Variants in SEL1L2 observed in about 807,000 individuals in gnomAD.
The protein encoded by SEL1L2 is protein sel-1 homolog 2.
A neutral mutation model predicts 98.8 loss-of-function variants in SEL1L2; 89 were observed. That is an observed-to-expected ratio of 0.90 (90% CI 0.76 to 1.07). The LOEUF (loss-of-function observed/expected upper bound fraction) is 1.07. Among genes scored for constraint, SEL1L2 ranks in the 50% least tolerant of loss-of-function variants. The probability of loss-of-function intolerance (pLI) is 0.00; values close to 1 mark genes in which losing one functional copy is unlikely to be tolerated. For missense variants in SEL1L2, 788 were observed against 812.0 expected, an observed-to-expected ratio of 0.97 and a Z score of 0.36; for synonymous variants, 262 against 278.5, an observed-to-expected ratio of 0.94 and a Z score of 0.59.
chr20:13,885,475 A>G (rs1031053186), intron 9 of SEL1L2, 72 bp from the exon 10 acceptor site: 1 of 1,000,232 alleles, frequency 1.0e-6, no homozygotes, highest in Non-Finnish European at 1.6e-6. Flanking sequence ...TTATGTGGTG[A>G]TTTTACTTTA....
In SEL1L2 at chr20:13,946,392, G is replaced by T. The variant is rs553943814; in HGVS notation, c.114+9684C>A. On this transcript the variant is annotated intron_variant, in intron 2 of 19. Coordinates refer to ENST00000284951, the MANE Select transcript of SEL1L2 (RefSeq NM_025229.2). ...TGAGGAAACAATTCCATTTAAAATAGCATAAAAAAGAATAAAGTACTTATA... is the reference window on the plus strand; with the variant it reads ...TGAGGAAACAATTCCATTTAAAATATCATAAAAAAGAATAAAGTACTTATA... Among the ~76,000 whole-genome samples the T allele has an allele frequency of 3.3e-5, 5 of 152,120 alleles. No individual in the cohort carries two copies. The East Asian group carries it at 9.7e-4, about 29-fold the overall frequency.
At position 13,913,796 on chromosome 20, in the gene SEL1L2, A is replaced by G. The variant is rs912614823; in HGVS notation, c.535T>C (p.Cys179Arg). ...LYESLAKEGS[C>R]KAQNALGFLS... ...TCAAAACTCACGTTTTGGGCTTTAC[A>G]TGATCCTTCTTTAGCCAAGGACTCA... The change falls in exon 5 of 20, where the codon TGT becomes CGT. Residue 179 changes from cysteine to arginine, a missense_variant. Physicochemically the swap from Cys to Arg is radical, Grantham distance 180 (BLOSUM62 -3). Transcript: ENST00000284951. The G allele has an allele frequency of 2.0e-6, 3 of 1,526,256 alleles. No homozygotes were observed. Among genetic ancestry groups the G allele is most frequent in the Non-Finnish European group, 2.6e-6 (3 of 1,148,996 alleles). 94.5% of individuals were successfully genotyped at this position (1,526,256 alleles called of 1,614,324 possible). A position where few individuals can be genotyped will look rare whatever the true frequency, so the allele number is the denominator to read the frequency against.
chr20:13,867,364 A>C (rs1991211674), intron 14 of SEL1L2, among the ~76,000 whole-genome samples: 1 of 152,016 alleles, frequency 6.6e-6, no homozygotes, highest in African/African-American at 2.4e-5. Context: ...GAACCAGCAG[A>C]CTCCCAGCAG....
intron 15 of SEL1L2, 67 bp downstream of exon 15, chr20:13,866,635 G>A (rs1991078215): frequency 8.0e-7 from 1 of 1,254,974 alleles, no homozygotes; most frequent in African/African-American, 1.5e-5. Flanking sequence ...AACAATTTAA[G>A]AACAGTATCA....
rs561499250 is a variant in SEL1L2 at position 13,856,764 on chromosome 20, A to T, written c.1818+2498T>A. On this transcript the variant is annotated intron_variant, in intron 18 of 19. Transcript: ENST00000284951. ...ATACCTTTCTTCCCCAGAGGTCTTA[A>T]ATGTCTGCATGTTTATAAAGCATTA... Among the ~76,000 whole-genome samples, 3 of 152,326 alleles carry T rather than the reference A, an allele frequency of 2.0e-5. No homozygotes were observed. In the East Asian group the frequency reaches 5.8e-4, roughly 29 times the overall value.
chr20:13,854,628 T>C (rs191262663), intron 18 of SEL1L2, among the ~76,000 whole-genome samples: 202 of 152,350 alleles, frequency 1.3e-3, no homozygotes, highest in Non-Finnish European at 2.0e-3. Context: ...CTTGTTCTTA[T>C]TGTATCCACA....
In SEL1L2 at chr20:13,849,494, G is replaced by A; in HGVS notation, c.2058C>T (p.His686=). ...TCCTGTGATCCGCATCCTACCCATG[G>A]TGATTTCTAAGCAACAAAATCAGCC... ...VPGLILLLRN[H]HG is the part of the protein sequence containing the mutation. Residue 686 remains histidine, a synonymous_variant, in exon 20 of 20, where the codon CAC becomes CAT. Coordinates refer to ENST00000284951, the MANE Select transcript of SEL1L2 (RefSeq NM_025229.2). The A allele has an allele frequency of 6.2e-7, 1 of 1,613,968 alleles. No individual in the cohort carries two copies. The highest frequency in any genetic ancestry group is 8.5e-7 in the Non-Finnish European group (1 of 1,179,910).
chr20:13,865,692 G>C (rs1325238853), intron 15 of SEL1L2, among the ~76,000 whole-genome samples, 178 bp from the exon 16 acceptor site: 1 of 152,192 alleles, frequency 6.6e-6, no homozygotes, highest in South Asian at 2.1e-4. Context: ...TAGGCACAAA[G>C]ATCAGAAGTG....
chr20:13,960,207 C>T (rs191549905), intron 1 of SEL1L2, among the ~76,000 whole-genome samples: 128 of 152,200 alleles, frequency 8.4e-4, no homozygotes, highest in African/African-American at 2.8e-3. Context: ...ATGTACAGAA[C>T]GTACAGACAC....
rs760918143 is a variant in SEL1L2, at chr20:13,866,800, G to T, written c.1306C>A (p.Leu436Met). The T allele has an allele frequency of 2.5e-6, 4 of 1,612,676 alleles. No individual in the cohort carries two copies. In the Admixed American group the frequency reaches 5.0e-5, roughly 20 times the overall value. ...AGGGGCTGCCCACTCTGAGATGCCA[G>T]GTAAAAATATTTGAAGGCAAGTTTA... ...DYKLAFKYFY[L>M]ASQSGQPLAI... Residue 436 changes from leucine to methionine, a missense_variant, in exon 15 of 20, where the codon CTG (leucine) becomes ATG (methionine). Transcript: ENST00000284951.
chr20:13,907,682 C>CTCTT (rs771348643), intron 5 of SEL1L2, among the ~76,000 whole-genome samples: 208 of 150,248 alleles, frequency 1.4e-3, no homozygotes, highest in Middle Eastern at 3.4e-3. Context: ...TTCTCTTTTT[C>CTCTT]TCTTTCTTTC....
chr20:13,965,993 C>G (rs542013115), intron 1 of SEL1L2, among the ~76,000 whole-genome samples: 1 of 151,254 alleles, frequency 6.6e-6, no homozygotes, highest in East Asian at 1.9e-4. Context: ...CACAGACCAC[C>G]GTAAGAGATA....
rs1453374158 is a variant in SEL1L2 at position 13,932,438 on chromosome 20, A to ATT, written c.115-669_115-668dup. Reference sequence around the variant, plus strand: ...TATTATTATTATTATTATTATTATTATTATTATTTTTTGAGACGAGTTTCA... The same window carrying ATT: ...TATTATTATTATTATTATTATTATTATTTTATTATTTTTTGAGACGAGTTTCA... On this transcript the variant is annotated intron_variant, in intron 2 of 19. Transcript: ENST00000284951. Among the ~76,000 whole-genome samples the ATT allele has an allele frequency of 7.4e-3, 646 of 87,284 alleles. 3 individuals carry two copies. Among genetic ancestry groups the ATT allele is most frequent in the East Asian group, 0.015 (37 of 2,550 alleles). 57.3% of individuals were successfully genotyped at this position (87,284 alleles called of 152,430 possible).
chr20:13,974,760 A>T (rs1006783917), intron 1 of SEL1L2, among the ~76,000 whole-genome samples: 2 of 151,980 alleles, frequency 1.3e-5, no homozygotes, highest in African/African-American at 4.8e-5. Flanking sequence ...GAGCCACTGC[A>T]CCAGGGCTCC....
intron 12 of SEL1L2, among the ~76,000 whole-genome samples, chr20:13,871,856 G>A (rs2046215373): frequency 6.6e-6 from 1 of 152,070 alleles, no homozygotes; most frequent in South Asian, 2.1e-4. Flanking sequence ...ATGTTTTACA[G>A]GTTCCTAGTA....
intron 10 of SEL1L2, among the ~76,000 whole-genome samples, chr20:13,877,950 C>G (rs2046511533): frequency 2.0e-5 from 3 of 152,180 alleles, no homozygotes; most frequent in Admixed American, 1.3e-4. Flanking sequence ...TCTCTGTTGA[C>G]ACTGTGTACT....
intron 1 of SEL1L2, among the ~76,000 whole-genome samples, chr20:13,958,986 C>T (rs2050664786): frequency 6.6e-6 from 1 of 150,918 alleles, no homozygotes. Flanking sequence ...GCATAGTGGG[C>T]GGCCATCGGA....
Position 13,865,365 on chromosome 20 carries a change from T to A in SEL1L2, c.1554A>T (p.Ala518=). 6.2e-7 allele frequency: 1 copy of A among 1,614,142 alleles called. No homozygotes were observed. Among genetic ancestry groups the A allele is most frequent in the African/African-American group, 1.3e-5 (1 of 75,066 alleles). ...MGYEVAQSNS[A]FILESKKANI... is the part of the protein sequence containing the mutation. ...TCATCTTACTAGATTCCAAAATGAATGCTGAATTGCTTTGAGCTACTTCAT... is the reference window on the plus strand; with the variant it reads ...TCATCTTACTAGATTCCAAAATGAAAGCTGAATTGCTTTGAGCTACTTCAT... The change falls in exon 16 of 20, where the codon GCA becomes GCT. Residue 518 remains alanine, a synonymous_variant. Coordinates refer to ENST00000284951, the MANE Select transcript of SEL1L2 (RefSeq NM_025229.2).
chr20:13,951,225 C>G lies in SEL1L2; in HGVS notation c.114+4851G>C, dbSNP rs1474139923. Among the ~76,000 whole-genome samples, 3 of 125,160 alleles carry G rather than the reference C, an allele frequency of 2.4e-5. No homozygotes were observed. The Admixed American group carries it at 3.1e-4, about 13-fold the overall frequency. The allele number at this position is 125,160 out of a possible 152,430, so 82.1% of individuals were successfully genotyped here. A position where few individuals can be genotyped will look rare whatever the true frequency, so the allele number is the denominator to read the frequency against. ...CTGGGAGGCGGAGCTTGCAGTGAGC[C>G]GAGATAGCGCCACTGCACTCCAGCC... On this transcript the variant is annotated intron_variant, in intron 2 of 19. Coordinates refer to ENST00000284951, the MANE Select transcript of SEL1L2 (RefSeq NM_025229.2).
Sources: gnomAD v4.1 joint callset for allele counts (sites outside exome capture counted in the v4.1 genomes callset) on GRCh38, gnomAD v4.1.1 for gene constraint, MANE v1.5 for transcripts, NCBI Gene and HGNC (gene_info 2026-07-23, HGNC 2026-07-21) for gene names.